The following DLG2 variants were observed in gnomAD, a reference collection of about 807,000 sequenced individuals.
The protein encoded by DLG2 is discs large MAGUK scaffold protein 2.
A neutral mutation model predicts 132.5 loss-of-function variants in DLG2; 45 were observed. The observed-to-expected ratio is 0.34, with a 90% confidence interval of 0.27 to 0.44. The LOEUF is 0.44. Among genes scored for constraint, DLG2 ranks in the 20% least tolerant of loss-of-function variants. The pLI is 1.00. For synonymous variants in DLG2, 424 were observed against 419.6 expected, an observed-to-expected ratio of 1.01 and a Z score of -0.13; for missense variants, 1,045 against 1,196.9, an observed-to-expected ratio of 0.87 and a Z score of 1.87.
chr11:84,884,821 C>T (rs921356487), intron 6 of DLG2, among the ~76,000 whole-genome samples: 3 of 152,046 alleles, frequency 2.0e-5, no homozygotes, highest in Non-Finnish European at 4.4e-5. Context: ...TGAAAAATTA[C>T]AACAATAAAC....
intron 21 of DLG2, among the ~76,000 whole-genome samples, chr11:83,529,188 T>C (rs1256079396): frequency 1.3e-5 from 2 of 152,138 alleles, no homozygotes; most frequent in Non-Finnish European, 2.9e-5. Context: ...ACAATTTTCC[T>C]CCTCACTTTA....
At chr11:83,577,930 TATATA>T (rs1345360651) in intron 19 of DLG2, among the ~76,000 whole-genome samples, 5 of 132,048 alleles carry the variant, frequency 3.8e-5, no homozygotes, top group Non-Finnish European at 7.8e-5. Flanking sequence ...ATATTTATAA[TATATA>T]ATATATATTT....
At position 85,541,332 on chromosome 11, in the gene DLG2, C is replaced by G. The variant is rs545423062; in HGVS notation, c.40+57325G>C. Among the ~76,000 whole-genome samples the G allele has an allele frequency of 2.6e-5, 4 of 152,016 alleles. No individual in the cohort carries two copies. In the South Asian group the frequency reaches 8.3e-4, roughly 32 times the overall value. On this transcript the variant is annotated intron_variant, in intron 3 of 27. Coordinates refer to ENST00000376104, the MANE Select transcript of DLG2 (RefSeq NM_001142699.3). The stretch of plus-strand genomic sequence containing the variant: ...TATTTATATACTAGGTCATTTCTTT[C>G]ATTTTTAATGACTTCATATAACATA...
intron 19 of DLG2, among the ~76,000 whole-genome samples, chr11:83,542,432 C>T (rs951543027): frequency 1.3e-5 from 2 of 152,104 alleles, no homozygotes; most frequent in Admixed American, 1.3e-4. Flanking sequence ...AATGTAATCA[C>T]CTGAATACAT....
chr11:83,644,432 G>T, intron 18 of DLG2, among the ~76,000 whole-genome samples: 1 of 152,116 alleles, frequency 6.6e-6, no homozygotes, highest in East Asian at 1.9e-4. Flanking sequence ...TGAGAGAATT[G>T]TTTATACTCA....
At chr11:84,542,679 C>G (rs1199071587) in intron 6 of DLG2, among the ~76,000 whole-genome samples, 1 of 152,008 alleles carries the variant, frequency 6.6e-6, no homozygotes, top group Admixed American at 6.6e-5. Context: ...ATAATAATAA[C>G]AGAATTTCAA....
At chr11:85,398,474 A>C (rs977887891) in intron 3 of DLG2, among the ~76,000 whole-genome samples, 3 of 152,170 alleles carry the variant, frequency 2.0e-5, no homozygotes, top group Non-Finnish European at 2.9e-5. Context: ...TCTTCAAAAA[A>C]TCAATGAATC....
intron 7 of DLG2, among the ~76,000 whole-genome samples, chr11:84,479,521 A>G (rs1427927441): frequency 6.6e-6 from 1 of 152,142 alleles, no homozygotes; most frequent in Non-Finnish European, 1.5e-5. Flanking sequence ...AAACTTTAAG[A>G]CAATATGTTT....
intron 4 of DLG2, among the ~76,000 whole-genome samples, chr11:85,217,430 C>T (rs961884024): frequency 6.6e-6 from 1 of 152,116 alleles, no homozygotes; most frequent in African/African-American, 2.4e-5. Flanking sequence ...CAATGACTCC[C>T]ACCTTAAAAT....
At chr11:85,206,455 T>C (rs1327944606) in intron 4 of DLG2, among the ~76,000 whole-genome samples, 1 of 152,192 alleles carries the variant, frequency 6.6e-6, no homozygotes, top group Admixed American at 6.5e-5. Context: ...ACTTGAAGTC[T>C]CAAACTCCTT....
chr11:85,422,130 C>G (rs1435339104), intron 3 of DLG2, among the ~76,000 whole-genome samples: 1 of 152,148 alleles, frequency 6.6e-6, no homozygotes, highest in Non-Finnish European at 1.5e-5. Context: ...TTTCCTTCAT[C>G]TTAACTTTAG....
chr11:85,382,067 C>T (rs2085939093), intron 3 of DLG2, among the ~76,000 whole-genome samples: 1 of 151,994 alleles, frequency 6.6e-6, no homozygotes, highest in South Asian at 2.1e-4. Flanking sequence ...CCCAGAATAA[C>T]CAAAACAATC....
intron 10 of DLG2, among the ~76,000 whole-genome samples, chr11:84,074,825 G>C (rs2096804991): frequency 6.6e-6 from 1 of 152,034 alleles, no homozygotes; most frequent in Admixed American, 6.6e-5. Flanking sequence ...ACCGCGCCCG[G>C]CCCACAGTTT....
At chr11:85,352,629 C>T (rs1253351273) in intron 3 of DLG2, among the ~76,000 whole-genome samples, 3 of 151,988 alleles carry the variant, frequency 2.0e-5, no homozygotes, top group African/African-American at 4.8e-5. Flanking sequence ...GTACTGGTAC[C>T]AAAACAGAGA....
chr11:84,189,154 T>C (rs1308475616), intron 8 of DLG2, among the ~76,000 whole-genome samples: 3 of 152,104 alleles, frequency 2.0e-5, no homozygotes, highest in African/African-American at 7.2e-5. Flanking sequence ...CTTTCAAGAA[T>C]CTTGGGTAAA....
At position 85,152,902 on chromosome 11, in the gene DLG2, A is replaced by G. The variant is rs1475108766; in HGVS notation, c.282+1654T>C. On this transcript the variant is annotated intron_variant, in intron 5 of 27. Transcript: ENST00000376104. Reference sequence around the variant, plus strand: ...TTAGTCTCTTAATCAACCAGTTTTAATTCATAAGATTGTCTTTTTCAGCAG... The same window carrying G: ...TTAGTCTCTTAATCAACCAGTTTTAGTTCATAAGATTGTCTTTTTCAGCAG... Among the ~76,000 whole-genome samples, 5 of 152,238 alleles carry G rather than the reference A, an allele frequency of 3.3e-5. No individual in the cohort carries two copies. In the East Asian group the frequency reaches 7.7e-4, roughly 24 times the overall value.
intron 3 of DLG2, among the ~76,000 whole-genome samples, chr11:85,456,876 C>A (rs946678469): frequency 1.3e-5 from 2 of 151,824 alleles, no homozygotes; most frequent in Non-Finnish European, 2.9e-5. Flanking sequence ...AGGATTACAA[C>A]TTTAGAGTTG....
chr11:85,565,721 G>A (rs1298304096), intron 3 of DLG2, among the ~76,000 whole-genome samples: 1 of 152,156 alleles, frequency 6.6e-6, no homozygotes, highest in East Asian at 1.9e-4. Context: ...GTACTCCACT[G>A]TGAAAATACC....
At chr11:84,145,886 C>T (rs1220850263) in intron 9 of DLG2, among the ~76,000 whole-genome samples, 1 of 152,152 alleles carries the variant, frequency 6.6e-6, no homozygotes, top group African/African-American at 2.4e-5. Context: ...CTTCTCATTC[C>T]TGACACTTTG....
Sources: allele counts gnomAD v4.1 joint callset (sites outside exome capture counted in the v4.1 genomes callset), GRCh38; gene constraint gnomAD v4.1.1; transcripts MANE v1.5; gene names NCBI Gene and HGNC (gene_info 2026-07-23, HGNC 2026-07-21).